CELF4: variants seen among roughly 807,000 people sequenced by gnomAD.
CELF4 encodes the protein CUGBP Elav-like family member 4, also known as CUG-BP- and ETR-3-like factor 4.
In CELF4, 18 loss-of-function variants were observed where a neutral mutation model predicts 59.9. The ratio of observed to expected loss-of-function variants is 0.30; its 90% CI spans 0.21 to 0.45. The LOEUF (loss-of-function observed/expected upper bound fraction) is 0.45, where lower values mean the gene tolerates loss of function less well. CELF4 is among the 20% of genes least tolerant of loss of function. The pLI is 1.00. For synonymous variants in CELF4, 261 were observed against 267.1 expected, an observed-to-expected ratio of 0.98 and a Z score of 0.22; for missense variants, 456 against 689.0, an observed-to-expected ratio of 0.66 and a Z score of 3.79.
At chr18:37,551,305 C>T (rs1222633424) in intron 1 of CELF4, among the ~76,000 whole-genome samples, 1 of 152,202 alleles carries the variant, frequency 6.6e-6, no homozygotes, top group Non-Finnish European at 1.5e-5. Context: ...GCCCCAAAGG[C>T]CACCTCAGCC....
At chr18:37,276,831 A>G (rs555801391) in intron 3 of CELF4, among the ~76,000 whole-genome samples, 3 of 152,218 alleles carry the variant, frequency 2.0e-5, no homozygotes, top group Non-Finnish European at 4.4e-5. Flanking sequence ...GGCACTCGCT[A>G]GATGTTTGTG....
intron 2 of CELF4, among the ~76,000 whole-genome samples, chr18:37,336,384 CTG>C (rs1490322352): frequency 6.6e-6 from 1 of 152,196 alleles, no homozygotes; most frequent in Non-Finnish European, 1.5e-5. Flanking sequence ...GAAGGGGTCT[CTG>C]TTGCCCAGGC....
chr18:37,359,605 G>A (rs2098667404), intron 2 of CELF4, among the ~76,000 whole-genome samples: 2 of 152,206 alleles, frequency 1.3e-5, no homozygotes, highest in Admixed American at 6.5e-5. Flanking sequence ...GCCTCCCAGA[G>A]TGCTGGAATT....
chr18:37,534,774 G>A (rs2099972161), intron 1 of CELF4, among the ~76,000 whole-genome samples: 1 of 152,216 alleles, frequency 6.6e-6, no homozygotes, highest in Admixed American at 6.5e-5. Flanking sequence ...GGAAGGCAGA[G>A]GACTGGGTAT....
At chr18:37,540,773 G>A (rs943857612) in intron 1 of CELF4, among the ~76,000 whole-genome samples, 101 of 152,360 alleles carry the variant, frequency 6.6e-4, no homozygotes, top group African/African-American at 2.4e-3. Flanking sequence ...TGAAGCTACA[G>A]CATGAGGGAT....
At position 37,514,349 on chromosome 18, in the gene CELF4, G is replaced by A. The variant is rs926937080; in HGVS notation, c.287-28742C>T. On this transcript the variant is annotated intron_variant, in intron 1 of 12. Transcript: ENST00000420428. Reference sequence around the variant, plus strand: ...TCCTGCAAAAGGAACACTGTTTTCTGGCCCAGGGCTTTCATGGAAATCATG... The same window carrying A: ...TCCTGCAAAAGGAACACTGTTTTCTAGCCCAGGGCTTTCATGGAAATCATG... Among the ~76,000 whole-genome samples, 3 of 152,250 alleles carry A rather than the reference G, an allele frequency of 2.0e-5. No individual in the cohort carries two copies. The East Asian group carries it at 5.8e-4, about 29-fold the overall frequency.
intron 2 of CELF4, among the ~76,000 whole-genome samples, chr18:37,400,177 G>A (rs2099309176): frequency 6.6e-6 from 1 of 152,178 alleles, no homozygotes; most frequent in East Asian, 1.9e-4. Context: ...TGAGGAAGAA[G>A]AAATTCTGCC....
chr18:37,472,958 T>C (rs112183846), intron 2 of CELF4, among the ~76,000 whole-genome samples: 90 of 152,192 alleles, frequency 5.9e-4, no homozygotes, highest in African/African-American at 2.2e-3. Flanking sequence ...CAGAACTGAT[T>C]TGGTCCAATG....
chr18:37,564,738 AC>A lies in CELF4; in HGVS notation c.286+617del, dbSNP rs568927276. On this transcript the variant is annotated intron_variant, in intron 1 of 12. Coordinates refer to ENST00000420428, the MANE Select transcript of CELF4 (RefSeq NM_020180.4). ...TATCACTGGTTCCTTCAAACATCCA[AC>A]CCCCCCACCCCCAACACACACCACC... Among the ~76,000 whole-genome samples the A allele has an allele frequency of 2.0e-5, 3 of 147,998 alleles. No homozygotes were observed. The South Asian group carries it at 6.7e-4, about 33-fold the overall frequency.
chr18:37,306,172 C>T (rs1364795963), intron 3 of CELF4: 10 of 152,266 alleles, frequency 6.6e-5, no homozygotes, highest in South Asian at 4.1e-4. Context: ...TGGGATGTGG[C>T]CACAGTTTCT....
At chr18:37,481,175 C>G (rs1039264429) in intron 2 of CELF4, among the ~76,000 whole-genome samples, 2 of 152,068 alleles carry the variant, frequency 1.3e-5, no homozygotes, top group African/African-American at 4.8e-5. Flanking sequence ...GCTTTGTATT[C>G]TAGGATTGTT....
At chr18:37,529,182 C>T (rs1053952741) in intron 1 of CELF4, 2 of 152,122 alleles carry the variant, frequency 1.3e-5, no homozygotes, top group Non-Finnish European at 2.9e-5. Flanking sequence ...TACCAGCCTC[C>T]TTGCATCTGT....
At position 37,253,112 on chromosome 18, in the gene CELF4, A is replaced by G. The variant is rs2066583752; in HGVS notation, c.*44+655T>C. ...TCAGCTCCTAGGCAGGACCCAGCCCAGCAGAAAAGGTAACAACGACCACTC... is the reference window on the plus strand; with the variant it reads ...TCAGCTCCTAGGCAGGACCCAGCCCGGCAGAAAAGGTAACAACGACCACTC... On this transcript the variant is annotated intron_variant, in intron 12 of 12. Coordinates refer to ENST00000420428, the MANE Select transcript of CELF4 (RefSeq NM_020180.4). This position sits in a 1 kb window ranked among gnomAD's most constrained non-coding sequence, Gnocchi z 4.5. Among the ~76,000 whole-genome samples, 1 of 152,188 alleles carries G rather than the reference A, an allele frequency of 6.6e-6. No homozygotes were observed. Among genetic ancestry groups the G allele is most frequent in the Non-Finnish European group, 1.5e-5 (1 of 68,042 alleles).
chr18:37,494,296 C>T (rs1569569646), intron 1 of CELF4, among the ~76,000 whole-genome samples: 1 of 152,196 alleles, frequency 6.6e-6, no homozygotes, highest in South Asian at 2.1e-4. Context: ...GGCCTGTCCC[C>T]CTTTTCAGCA....
In CELF4 at chr18:37,408,492, C is replaced by CA. The variant is rs1491288982; in HGVS notation, c.369+77032_369+77033insT. Among the ~76,000 whole-genome samples, 86 of 112,298 alleles carry CA rather than the reference C, an allele frequency of 7.7e-4. 1 individual carries two copies. Among genetic ancestry groups the CA allele is most frequent in the African/African-American group, 3.2e-3 (83 of 26,308 alleles). The allele number at this position is 112,298 out of a possible 152,430, so 73.7% of individuals were successfully genotyped here. A position where few individuals can be genotyped will look rare whatever the true frequency, so the allele number is the denominator to read the frequency against. On this transcript the variant is annotated intron_variant, in intron 2 of 12. Transcript: ENST00000420428. ...TTTTTTTTCCCCCTTTGGTTGGTGC[C>CA]GGGGGGGGGCGCGGTGCAGGAGGAT...
intron 10 of CELF4, among the ~76,000 whole-genome samples, chr18:37,261,720 C>G (rs1389071406): frequency 6.6e-6 from 1 of 152,246 alleles, no homozygotes; most frequent in Admixed American, 6.5e-5. Flanking sequence ...CCTTGCAGCC[C>G]TGGCAGAGCC....
chr18:37,438,792 C>A (rs141775833), intron 2 of CELF4, among the ~76,000 whole-genome samples: 2 of 152,100 alleles, frequency 1.3e-5, no homozygotes, highest in African/African-American at 4.8e-5. Flanking sequence ...TTGACAGCCG[C>A]GGGTGTAATT....
At chr18:37,507,766 C>T (rs919507959) in intron 1 of CELF4, among the ~76,000 whole-genome samples, 1 of 152,220 alleles carries the variant, frequency 6.6e-6, no homozygotes, top group African/African-American at 2.4e-5. Context: ...TAGTTCTCAT[C>T]TCTCAGACAC....
At chr18:37,447,624 G>T (rs1018939320) in intron 2 of CELF4, among the ~76,000 whole-genome samples, 2 of 152,224 alleles carry the variant, frequency 1.3e-5, no homozygotes, top group Admixed American at 6.5e-5. Flanking sequence ...GCTGCTGGAG[G>T]GCTCAGAGCC....
Sources: allele counts gnomAD v4.1 joint callset (sites outside exome capture counted in the v4.1 genomes callset), GRCh38; gene constraint gnomAD v4.1.1; non-coding constraint Gnocchi (gnomAD v3.1); transcripts MANE v1.5; gene names NCBI Gene and HGNC (gene_info 2026-07-23, HGNC 2026-07-21).